Variants in FAM184B observed in about 807,000 individuals in gnomAD.
FAM184B encodes protein FAM184B.
A neutral mutation model predicts 135.9 loss-of-function variants in FAM184B; 111 were observed. That is an observed-to-expected ratio of 0.82 (90% CI 0.70 to 0.96). The LOEUF (loss-of-function observed/expected upper bound fraction) is 0.96, where lower values mean the gene tolerates loss of function less well. Ranked by LOEUF, FAM184B falls within the 40% of genes least tolerant of loss-of-function variation. FAM184B has a pLI of 0.00. For synonymous variants in FAM184B, 552 were observed against 524.8 expected, an observed-to-expected ratio of 1.05 and a Z score of -0.71; for missense variants, 1,375 against 1,323.9, an observed-to-expected ratio of 1.04 and a Z score of -0.60.
intron 1 of FAM184B, among the ~76,000 whole-genome samples, chr4:17,722,110 C>G (rs551012301): frequency 3.3e-5 from 5 of 152,116 alleles, no homozygotes; most frequent in Middle Eastern, 3.4e-3. Context: ...GAGGGGGAGA[C>G]GGAAGAGTCC....
At chr4:17,708,663 CTATATATATATATATATATATA>C (rs60087211) in intron 2 of FAM184B, among the ~76,000 whole-genome samples, 438 of 16,996 alleles carry the variant, frequency 0.026, 45 homozygotes, top group African/African-American at 0.089. Flanking sequence ...GGAAACAAAA[CTATATATATATATATATATATA>C]TATATATATA....
intron 1 of FAM184B, among the ~76,000 whole-genome samples, chr4:17,772,840 C>T (rs1264200904): frequency 6.6e-6 from 1 of 152,214 alleles, no homozygotes; most frequent in Non-Finnish European, 1.5e-5. Flanking sequence ...CCAGGTGCAC[C>T]TACCCCTGTA....
chr4:17,744,317 A>C (rs1366273658), intron 1 of FAM184B, among the ~76,000 whole-genome samples: 1 of 152,064 alleles, frequency 6.6e-6, no homozygotes, highest in Non-Finnish European at 1.5e-5. Flanking sequence ...CCATCCTAGA[A>C]ATCTGCCTAC....
At chr4:17,721,915 G>A (rs1455286263) in intron 1 of FAM184B, among the ~76,000 whole-genome samples, 1 of 152,222 alleles carries the variant, frequency 6.6e-6, no homozygotes, top group Non-Finnish European at 1.5e-5. Flanking sequence ...ACAAGATTCG[G>A]CCTCTTGGGA....
In FAM184B at chr4:17,735,294, C is replaced by T. The variant is rs191315781; in HGVS notation, c.142-25650G>A. Among the ~76,000 whole-genome samples, 41 of 151,900 alleles carry T rather than the reference C, an allele frequency of 2.7e-4. No homozygotes were observed. The East Asian group carries it at 7.7e-3, about 29-fold the overall frequency. On this transcript the variant is annotated intron_variant, in intron 1 of 17. Transcript: ENST00000265018. Reference sequence around the variant, plus strand: ...CATGTATACATATGTAACAAACCTGCACATTGTGCACATGTACCCTAAAAC... The same window carrying T: ...CATGTATACATATGTAACAAACCTGTACATTGTGCACATGTACCCTAAAAC...
In FAM184B at chr4:17,633,684, C is replaced by T. The variant is rs1715033826; in HGVS notation, c.3089+5G>A. On this transcript the variant is annotated splice_donor_5th_base_variant and intron_variant, in intron 17 of 17. Transcript: ENST00000265018. ...AAGGGCCCCTGTCCCCAACATCCCC[C>T]AAACCTTGTGGCAGTTTTTGCATCT... 4 of 1,522,956 alleles carry T rather than the reference C, an allele frequency of 2.6e-6. No individual in the cohort carries two copies. Among genetic ancestry groups the T allele is most frequent in the Non-Finnish European group, 3.5e-6 (4 of 1,131,736 alleles). The allele number at this position is 1,522,956 out of a possible 1,614,324, so 94.3% of individuals were successfully genotyped here.
intron 1 of FAM184B, among the ~76,000 whole-genome samples, chr4:17,772,043 C>T (rs1160460216): frequency 6.6e-6 from 1 of 152,170 alleles, no homozygotes; most frequent in Non-Finnish European, 1.5e-5. Flanking sequence ...ATACCAGCTA[C>T]ACAGGGATCC....
intron 1 of FAM184B, among the ~76,000 whole-genome samples, chr4:17,757,802 A>G (rs1718455166): frequency 6.6e-6 from 1 of 151,976 alleles, no homozygotes; most frequent in Admixed American, 6.5e-5. Context: ...GTATAACTGG[A>G]ATCACATCAA....
rs140952309 is a variant in FAM184B at position 17,732,316 on chromosome 4, G to A, written c.142-22672C>T. Among the ~76,000 whole-genome samples, 1,406 of 152,082 alleles carry A rather than the reference G, an allele frequency of 9.2e-3. 23 individuals carry two copies. Among genetic ancestry groups the A allele is most frequent in the African/African-American group, 0.031 (1,289 of 41,472 alleles). On this transcript the variant is annotated intron_variant, in intron 1 of 17. Transcript: ENST00000265018. ...CAAACACATTGAAAAGCTAGCAGAA[G>A]GCAAGAAATAACTAAAATCAGAGCA...
At chr4:17,774,625 C>T (rs1577298748) in intron 1 of FAM184B, among the ~76,000 whole-genome samples, 2 of 152,202 alleles carry the variant, frequency 1.3e-5, no homozygotes, top group East Asian at 1.9e-4. Context: ...GTTCTCAACC[C>T]TGTCAGCACA....
rs1714938383 is a variant in FAM184B, at chr4:17,631,425, A to AAAGT, written c.*1103_*1106dup. ...AGCTCTCCTCCCATCTCAGCCTCCC[A>AAAGT]AAGTGTTGGGATTACAGGCATGAGC... is the stretch of plus-strand genomic sequence containing the variant. On this transcript the variant is annotated 3_prime_UTR_variant, in exon 18 of 18. Coordinates refer to ENST00000265018, the MANE Select transcript of FAM184B (RefSeq NM_015688.2). 6.6e-6 allele frequency: 1 copy of AAAGT among 152,200 alleles called. No individual in the cohort carries two copies. Among genetic ancestry groups the AAAGT allele is most frequent in the African/African-American group, 2.4e-5 (1 of 41,418 alleles). 9.4% of individuals were successfully genotyped at this position (152,200 alleles called of 1,614,324 possible).
chr4:17,665,218 T>C (rs1716020990), intron 7 of FAM184B, among the ~76,000 whole-genome samples: 1 of 152,138 alleles, frequency 6.6e-6, no homozygotes, highest in African/African-American at 2.4e-5. Context: ...CTGTGTCCCA[T>C]TATGTAGAAT....
intron 1 of FAM184B, among the ~76,000 whole-genome samples, chr4:17,740,180 C>T (rs1176520669): frequency 6.6e-6 from 1 of 151,684 alleles, no homozygotes; most frequent in African/African-American, 2.4e-5. Context: ...AGCAAAGCCG[C>T]GTCTCTACTA....
At chr4:17,768,032 G>A (rs1718737633) in intron 1 of FAM184B, among the ~76,000 whole-genome samples, 1 of 152,190 alleles carries the variant, frequency 6.6e-6, no homozygotes, top group Non-Finnish European at 1.5e-5. Flanking sequence ...GAATGGGCAT[G>A]GCTGTGTTCC....
In FAM184B at chr4:17,770,658, G is replaced by A. The variant is rs146513456; in HGVS notation, c.141+10501C>T. ...TTTTTGTACTTTTACTAGAGACGGG[G>A]TTTCACCATGTTGTCCAGGCTGGTC... On this transcript the variant is annotated intron_variant, in intron 1 of 17. Coordinates refer to ENST00000265018, the MANE Select transcript of FAM184B (RefSeq NM_015688.2). Among the ~76,000 whole-genome samples, 447 of 152,234 alleles carry A rather than the reference G, an allele frequency of 2.9e-3. 3 individuals are homozygous for A. Among genetic ancestry groups the A allele is most frequent in the African/African-American group, 0.01 (427 of 41,536 alleles).
At chr4:17,676,997 CT>C (rs1320023160) in intron 7 of FAM184B, among the ~76,000 whole-genome samples, 6 of 152,186 alleles carry the variant, frequency 3.9e-5, no homozygotes, top group African/African-American at 1.4e-4. Flanking sequence ...TGACACACAA[CT>C]GTATATCACA....
At chr4:17,644,993 A>G (rs1715430393) in intron 12 of FAM184B, among the ~76,000 whole-genome samples, 1 of 152,174 alleles carries the variant, frequency 6.6e-6, no homozygotes. Context: ...AATTGCTTCA[A>G]AGAGAATAAA....
At chr4:17,665,900 C>T (rs79098475) in intron 7 of FAM184B, among the ~76,000 whole-genome samples, 2 of 151,652 alleles carry the variant, frequency 1.3e-5, no homozygotes, top group African/African-American at 2.4e-5. Flanking sequence ...CTCCCCCCGC[C>T]CCCCAGTTGC....
intron 1 of FAM184B, among the ~76,000 whole-genome samples, chr4:17,715,994 T>G (rs998763583): frequency 5.9e-5 from 9 of 152,220 alleles, no homozygotes; most frequent in Non-Finnish European, 1.3e-4. Context: ...TGCTTATAAA[T>G]GCAACTAATA....
Sources: gnomAD v4.1 joint callset for allele counts (sites outside exome capture counted in the v4.1 genomes callset) on GRCh38, gnomAD v4.1.1 for gene constraint, MANE v1.5 for transcripts, NCBI Gene and HGNC (gene_info 2026-07-23, HGNC 2026-07-21) for gene names.